The following XRCC5 variants were observed in gnomAD, a reference collection of about 807,000 sequenced individuals.
XRCC5 encodes DNA repair protein Ku80.
In XRCC5, 12 loss-of-function variants were observed where a neutral mutation model predicts 95.7. The ratio of observed to expected loss-of-function variants is 0.13; its 90% CI spans 0.08 to 0.20. The LOEUF is 0.20. XRCC5 is among the 10% of genes least tolerant of loss of function. XRCC5 has a pLI of 1.00. For missense variants in XRCC5, 595 were observed against 873.9 expected, an observed-to-expected ratio of 0.68 and a Z score of 4.02; for synonymous variants, 281 against 290.3, an observed-to-expected ratio of 0.97 and a Z score of 0.33.
intron 16 of XRCC5, among the ~76,000 whole-genome samples, chr2:216,189,511 A>G (rs997939227): frequency 1.4e-4 from 22 of 152,184 alleles, no homozygotes; most frequent in African/African-American, 4.6e-4. Flanking sequence ...GGTGTAATCT[A>G]CTTTGGAAAT....
At chr2:216,146,388 T>C (rs548813176) in intron 13 of XRCC5, among the ~76,000 whole-genome samples, 4 of 148,614 alleles carry the variant, frequency 2.7e-5, no homozygotes, top group African/African-American at 7.9e-5. Context: ...TTTTCTTCAG[T>C]GTAGGAAAGG....
chr2:216,197,622 G>C (rs1689753480), intron 19 of XRCC5, among the ~76,000 whole-genome samples: 1 of 152,156 alleles, frequency 6.6e-6, no homozygotes, highest in Non-Finnish European at 1.5e-5. Context: ...GGCACAGAGA[G>C]TGTGCTTCCA....
At chr2:216,174,883 C>G (rs904811459) in intron 16 of XRCC5, 2 of 325,094 alleles carry the variant, frequency 6.2e-6, no homozygotes, top group Non-Finnish European at 1.2e-5. Context: ...TGTAGCCCCT[C>G]TCTGCTGTTT....
chr2:216,162,408 T>C (rs200851534), intron 16 of XRCC5, among the ~76,000 whole-genome samples: 1 of 56,432 alleles, frequency 1.8e-5, no homozygotes, highest in Non-Finnish European at 5.4e-5. Context: ...CTTTTTTTTC[T>C]TTTTTTTTTT....
intron 16 of XRCC5, among the ~76,000 whole-genome samples, chr2:216,166,030 T>C (rs1002678597): frequency 6.6e-6 from 1 of 152,218 alleles, no homozygotes; most frequent in Non-Finnish European, 1.5e-5. Flanking sequence ...AAGCATGTTC[T>C]TTCTGGCTGC....
intron 18 of XRCC5, 95 bp from the exon 19 acceptor site, chr2:216,194,824 T>C: frequency 2.6e-6 from 3 of 1,167,784 alleles, no homozygotes; most frequent in South Asian, 2.5e-5. Flanking sequence ...AAAAGAAATC[T>C]TCAGCTCAAA....
At chr2:216,121,538 A>C (rs1696811596) in intron 5 of XRCC5, among the ~76,000 whole-genome samples, 1 of 152,174 alleles carries the variant, frequency 6.6e-6, no homozygotes, top group African/African-American at 2.4e-5. Flanking sequence ...AAAATGGCAA[A>C]AAGCCTCTCC....
chr2:216,115,253 T>TA (rs1696672488), intron 2 of XRCC5, among the ~76,000 whole-genome samples: 1 of 152,170 alleles, frequency 6.6e-6, no homozygotes, highest in South Asian at 2.1e-4. Flanking sequence ...ACTGCCGACT[T>TA]ACACCCCAGT....
intron 8 of XRCC5, among the ~76,000 whole-genome samples, chr2:216,130,401 G>C (rs1165618174): frequency 2.0e-5 from 3 of 152,006 alleles, no homozygotes; most frequent in Non-Finnish European, 4.4e-5. Flanking sequence ...TTTAGCTTCT[G>C]TCAGGCATTG....
At chr2:216,192,600 C>A in intron 17 of XRCC5, 39 bp from the exon 18 acceptor site, 1 of 1,477,972 alleles carries the variant, frequency 6.8e-7, no homozygotes, top group Non-Finnish European at 9.2e-7. Context: ...TGTGTTTGCT[C>A]TGACTTGCTG....
At chr2:216,111,494 AG>A in intron 1 of XRCC5, 10 of 345,418 alleles carry the variant, frequency 2.9e-5, no homozygotes, top group South Asian at 2.0e-4. Flanking sequence ...ACTGTACTCC[AG>A]CCTGGGTGAC....
intron 14 of XRCC5, among the ~76,000 whole-genome samples, chr2:216,159,104 G>A (rs1400647230): frequency 6.6e-6 from 1 of 151,984 alleles, no homozygotes; most frequent in Non-Finnish European, 1.5e-5. Flanking sequence ...AAAACATTTT[G>A]TACATGATAA....
At chr2:216,201,322 A>G (rs1258542158) in intron 19 of XRCC5, among the ~76,000 whole-genome samples, 1 of 152,220 alleles carries the variant, frequency 6.6e-6, no homozygotes, top group African/African-American at 2.4e-5. Flanking sequence ...ATTGTCAGTA[A>G]TCCTTTGGAA....
chr2:216,154,221 C>G (rs1026266554), intron 14 of XRCC5, among the ~76,000 whole-genome samples: 3 of 152,164 alleles, frequency 2.0e-5, no homozygotes, highest in Admixed American at 1.3e-4. Flanking sequence ...TGCCTGCCTT[C>G]CAGGAGGTTG....
At chr2:216,123,823 T>C (rs1479733574) in intron 6 of XRCC5, among the ~76,000 whole-genome samples, 2 of 152,096 alleles carry the variant, frequency 1.3e-5, no homozygotes, top group East Asian at 1.9e-4. Flanking sequence ...AAAGAAAAAT[T>C]AGAGGCCAAT....
At chr2:216,134,431 G>GTT (rs780804346) in intron 10 of XRCC5, among the ~76,000 whole-genome samples, 8 of 125,482 alleles carry the variant, frequency 6.4e-5, no homozygotes, top group Admixed American at 2.4e-4. Context: ...TTTTTTTTTT[G>GTT]TTTTTTTTTT....
chr2:216,117,762 C>T lies in XRCC5; in HGVS notation c.336C>T (p.Ile112=), dbSNP rs148308539. 8.2e-5 allele frequency: 133 copies of T among 1,613,950 alleles called. No individual in the cohort carries two copies. Among genetic ancestry groups the T allele is most frequent in the Admixed American group, 3.0e-4 (18 of 59,998 alleles). The change falls in exon 4 of 21, where the codon ATC becomes ATT. Residue 112 remains isoleucine (I), a synonymous_variant. Coordinates refer to ENST00000392132, the MANE Select transcript of XRCC5 (RefSeq NM_021141.4). ...SQQADFLDAL[I]VSMDVIQHET... ...CTAGCTGAGTCCTGGATGCACTAAT[C>T]GTGAGCATGGATGTGATTCAACATG...
intron 16 of XRCC5, among the ~76,000 whole-genome samples, chr2:216,164,224 A>T (rs552003618): frequency 6.6e-6 from 1 of 152,194 alleles, no homozygotes; most frequent in Non-Finnish European, 1.5e-5. Context: ...CCTAGCTTTC[A>T]ATTGTATGTC....
chr2:216,205,419 T>TAACAA lies in XRCC5; in HGVS notation c.*217_*218insAACAA. Reference sequence around the variant, plus strand: ...CCCCATACAAGTTTATAAAGAGTCATTGTTATTTTCTGGTTGGTGTATTAT... The same window carrying TAACAA: ...CCCCATACAAGTTTATAAAGAGTCATAACAATGTTATTTTCTGGTTGGTGTATTAT... On this transcript the variant is annotated 3_prime_UTR_variant, in exon 21 of 21. Coordinates refer to ENST00000392132, the MANE Select transcript of XRCC5 (RefSeq NM_021141.4). 1.8e-6 allele frequency: 1 copy of TAACAA among 564,206 alleles called. No individual in the cohort carries two copies. The highest frequency in any genetic ancestry group is 3.2e-6 in the Non-Finnish European group (1 of 317,322). 34.9% of individuals were successfully genotyped at this position (564,206 alleles called of 1,614,324 possible). A position where few individuals can be genotyped will look rare whatever the true frequency, so the allele number is the denominator to read the frequency against.
Sources: allele counts gnomAD v4.1 joint callset (sites outside exome capture counted in the v4.1 genomes callset), GRCh38; gene constraint gnomAD v4.1.1; transcripts MANE v1.5; gene names NCBI Gene and HGNC (gene_info 2026-07-23, HGNC 2026-07-21).